The following NKAIN3 variants were observed in gnomAD, a reference collection of about 807,000 sequenced individuals.
NKAIN3 encodes the protein sodium/potassium-transporting ATPase subunit beta-1-interacting protein 3.
In NKAIN3, 25 loss-of-function variants were observed where a neutral mutation model predicts 30.2. The observed-to-expected ratio is 0.83, with a 90% CI of 0.60 to 1.16. The LOEUF is 1.16. Ranked by LOEUF, NKAIN3 falls within the 50% of genes most tolerant of loss-of-function variation. NKAIN3 has a pLI of 0.00. For missense variants in NKAIN3, 225 were observed against 254.1 expected (o/e 0.89, Z 0.78); for synonymous variants, 91 against 89.6 (o/e 1.02, Z -0.09).
At chr8:62,402,489 G>A (rs1416961820) in intron 1 of NKAIN3, among the ~76,000 whole-genome samples, 2 of 152,188 alleles carry the variant, frequency 1.3e-5, no homozygotes, top group African/African-American at 2.4e-5. Context: ...GGAGGGACCT[G>A]GTGGGAAGTA....
chr8:62,974,016 T>A lies in NKAIN3; in HGVS notation c.*8609T>A, dbSNP rs953329250. 1.3e-5 allele frequency among the ~76,000 whole-genome samples: 2 copies of A among 152,204 alleles called. No individual in the cohort carries two copies. The highest frequency in any genetic ancestry group is 2.4e-5 in the African/African-American group (1 of 41,456). On this transcript the variant is annotated 3_prime_UTR_variant, in exon 7 of 7. Transcript: ENST00000623646. ...TTCTGAGGCCTCTGTTCTGTTGCAT[T>A]GGTCTATATATCTGTTTTAGTAAAA...
chr8:62,860,918 C>T (rs1820219172), intron 4 of NKAIN3, among the ~76,000 whole-genome samples: 1 of 152,196 alleles, frequency 6.6e-6, no homozygotes, highest in South Asian at 2.1e-4. Context: ...TGGGACTGAT[C>T]CACCTATCTG....
intron 4 of NKAIN3, among the ~76,000 whole-genome samples, chr8:62,890,676 G>A (rs1163158394): frequency 6.6e-6 from 1 of 152,120 alleles, no homozygotes; most frequent in Non-Finnish European, 1.5e-5. Context: ...TGATGCTCTT[G>A]GAATGAACCT....
At chr8:62,280,673 A>T in intron 1 of NKAIN3, among the ~76,000 whole-genome samples, 1 of 152,174 alleles carries the variant, frequency 6.6e-6, no homozygotes, top group East Asian at 1.9e-4. Context: ...ATGCTGGATT[A>T]CATTTATTGA....
At chr8:62,648,110 A>G (rs1812519307) in intron 3 of NKAIN3, among the ~76,000 whole-genome samples, 1 of 152,148 alleles carries the variant, frequency 6.6e-6, no homozygotes, top group South Asian at 2.1e-4. Context: ...AAAAACATCA[A>G]GGGAAGGGCA....
intron 1 of NKAIN3, among the ~76,000 whole-genome samples, chr8:62,475,560 C>T (rs560331577): frequency 1.3e-5 from 2 of 152,216 alleles, no homozygotes; most frequent in Admixed American, 1.3e-4. Context: ...ATCACATAAG[C>T]TAATTTTAGA....
intron 3 of NKAIN3, among the ~76,000 whole-genome samples, chr8:62,649,066 A>G (rs370789083): frequency 1.8e-3 from 279 of 152,342 alleles, no homozygotes; most frequent in African/African-American, 6.4e-3. Context: ...ATATCCTGTG[A>G]AGAAGCCTGA....
chr8:62,597,997 A>G (rs1810882466), intron 3 of NKAIN3, among the ~76,000 whole-genome samples: 1 of 152,102 alleles, frequency 6.6e-6, no homozygotes, highest in South Asian at 2.1e-4. Context: ...GATGTGAACT[A>G]AAAGTTCCAA....
Position 62,431,044 on chromosome 8 carries a change from G to C in NKAIN3, c.55-148495G>C, listed in dbSNP as rs149725443. Among the ~76,000 whole-genome samples, 538 of 152,012 alleles carry C rather than the reference G, an allele frequency of 3.5e-3. 22 individuals are homozygous for C. The East Asian group carries it at 0.088, about 25-fold the overall frequency. On this transcript the variant is annotated intron_variant, in intron 1 of 6. Transcript: ENST00000623646. Reference sequence around the variant, plus strand: ...CTTAGGAGAAAGTTTGTTAGAAAGAGAGGGAGAGAAAGCACTTATAGCATT... The same window carrying C: ...CTTAGGAGAAAGTTTGTTAGAAAGACAGGGAGAGAAAGCACTTATAGCATT...
chr8:62,948,218 G>A (rs1361551814), intron 5 of NKAIN3, among the ~76,000 whole-genome samples: 1 of 149,860 alleles, frequency 6.7e-6, no homozygotes, highest in Non-Finnish European at 1.5e-5. Context: ...CTTTTTTTGA[G>A]ACAGAGTCTC....
At chr8:62,374,477 A>G (rs1402582950) in intron 1 of NKAIN3, among the ~76,000 whole-genome samples, 1 of 152,232 alleles carries the variant, frequency 6.6e-6, no homozygotes, top group Non-Finnish European at 1.5e-5. Context: ...AGTCCAGGCT[A>G]AGGAAAATGG....
chr8:62,988,250 G>A (rs570221886), downstream of NKAIN3, among the ~76,000 whole-genome samples: 1 of 152,272 alleles, frequency 6.6e-6, no homozygotes, highest in African/African-American at 2.4e-5. Flanking sequence ...CAATCTGTCA[G>A]TGGGTCTACC....
chr8:62,525,002 C>T (rs1057086476), intron 1 of NKAIN3, among the ~76,000 whole-genome samples: 1 of 152,142 alleles, frequency 6.6e-6, no homozygotes, highest in African/African-American at 2.4e-5. Flanking sequence ...GTTCTGTCAA[C>T]TCTCTTTGAA....
At position 62,680,198 on chromosome 8, in the gene NKAIN3, A is replaced by C. The variant is rs185104929; in HGVS notation, c.274-66734A>C. 2.9e-3 allele frequency among the ~76,000 whole-genome samples: 439 copies of C among 152,270 alleles called. 5 individuals are homozygous for C. The highest frequency in any genetic ancestry group is 0.02 in the Admixed American group (304 of 15,300). On this transcript the variant is annotated intron_variant, in intron 3 of 6. Coordinates refer to ENST00000623646, the MANE Select transcript of NKAIN3 (RefSeq NM_001304533.3). ...AAGGAAACTTGGAACTCAGTCCTAC[A>C]AGCACTTGGAACTGAATTGTAGCAC...
At chr8:62,378,681 G>A (rs1402494498) in intron 1 of NKAIN3, among the ~76,000 whole-genome samples, 1 of 152,204 alleles carries the variant, frequency 6.6e-6, no homozygotes, top group Non-Finnish European at 1.5e-5. Context: ...GGTCCTGTGG[G>A]TACACAGAAG....
chr8:62,949,077 C>A (rs559498023), intron 5 of NKAIN3, among the ~76,000 whole-genome samples: 5 of 152,296 alleles, frequency 3.3e-5, no homozygotes, highest in African/African-American at 1.2e-4. Flanking sequence ...CTCCCCATAG[C>A]CCCTGGAGGG....
At chr8:62,613,168 T>C (rs983374869) in intron 3 of NKAIN3, among the ~76,000 whole-genome samples, 12 of 152,186 alleles carry the variant, frequency 7.9e-5, no homozygotes, top group Non-Finnish European at 1.3e-4. Flanking sequence ...TTCTTTCTGA[T>C]TGAAGTACTT....
intron 4 of NKAIN3, among the ~76,000 whole-genome samples, chr8:62,804,648 C>T (rs377132848): frequency 1.3e-5 from 2 of 151,900 alleles, no homozygotes; most frequent in African/African-American, 2.4e-5. Context: ...ATGGGATGTA[C>T]CTCAAAATAA....
chr8:62,706,062 C>A (rs1279420334), intron 3 of NKAIN3, among the ~76,000 whole-genome samples: 1 of 152,044 alleles, frequency 6.6e-6, no homozygotes, highest in Non-Finnish European at 1.5e-5. Flanking sequence ...ATTGGGGAAT[C>A]CCAATAGTTT....
Sources: allele counts gnomAD v4.1 joint callset (sites outside exome capture counted in the v4.1 genomes callset), GRCh38; gene constraint gnomAD v4.1.1; transcripts MANE v1.5; gene names NCBI Gene and HGNC (gene_info 2026-07-23, HGNC 2026-07-21).